The following LINGO2 variants were observed in gnomAD, a reference collection of about 807,000 sequenced individuals.
LINGO2 encodes the protein leucine-rich repeat and immunoglobulin-like domain-containing nogo receptor-interacting protein 2.
In LINGO2, 14 loss-of-function variants were observed where a neutral mutation model predicts 30.6. The ratio of observed to expected loss-of-function variants is 0.46; its 90% CI spans 0.30 to 0.72. LINGO2 has a LOEUF of 0.72. Among genes scored for constraint, LINGO2 ranks in the 30% least tolerant of loss-of-function variants. The pLI is 0.07. For synonymous variants in LINGO2, 317 were observed against 288.5 expected (o/e 1.10, Z -1.00); for missense variants, 729 against 751.7 (o/e 0.97, Z 0.35).
At chr9:28,619,175 T>A (rs939470402) in intron 1 of LINGO2, among the ~76,000 whole-genome samples, 12 of 152,178 alleles carry the variant, frequency 7.9e-5, no homozygotes, top group Non-Finnish European at 1.8e-4. Flanking sequence ...AATTATTGAA[T>A]GAATGATGTT....
At chr9:28,508,366 C>T (rs536273029) in intron 1 of LINGO2, among the ~76,000 whole-genome samples, 1 of 152,110 alleles carries the variant, frequency 6.6e-6, no homozygotes, top group East Asian at 1.9e-4. Flanking sequence ...ACTCAGATGA[C>T]TTATAACAGT....
chr9:28,050,729 C>T lies in LINGO2; in HGVS notation c.-86-38324G>A, dbSNP rs191239593. ...CAGGCATTCCACTGTAAGTGCTAAA[C>T]ACCTAAAGAGTTGGGGTAGCATGCC... On this transcript the variant is annotated intron_variant, in intron 4 of 5. Transcript: ENST00000379992. Among the ~76,000 whole-genome samples the T allele has an allele frequency of 2.5e-3, 379 of 151,040 alleles. 14 individuals are homozygous for T. The highest frequency in any genetic ancestry group is 8.9e-3 in the African/African-American group (365 of 40,982).
chr9:27,997,138 A>G (rs1821705858), intron 5 of LINGO2, among the ~76,000 whole-genome samples: 1 of 152,182 alleles, frequency 6.6e-6, no homozygotes. Flanking sequence ...TGCTGGCTTT[A>G]TACTGAATTT....
chr9:28,482,611 A>G (rs1184842251), intron 1 of LINGO2, among the ~76,000 whole-genome samples: 1 of 152,120 alleles, frequency 6.6e-6, no homozygotes, highest in Non-Finnish European at 1.5e-5. Flanking sequence ...TTTGCTGTGC[A>G]GAAGCTCTTT....
the LINGO2 span, among the ~76,000 whole-genome samples, chr9:29,129,469 A>G: frequency 6.6e-6 from 1 of 152,100 alleles, no homozygotes; most frequent in South Asian, 2.1e-4. Flanking sequence ...GATATGGGGA[A>G]ATATGTTTCC....
intron 4 of LINGO2, among the ~76,000 whole-genome samples, chr9:28,048,730 GATTT>G (rs1413672275): frequency 6.6e-6 from 1 of 150,564 alleles, no homozygotes; most frequent in African/African-American, 2.5e-5. Context: ...TAAAGGAAAA[GATTT>G]AATAAATTCA....
At chr9:28,990,692 G>A in the LINGO2 span, among the ~76,000 whole-genome samples, 5 of 152,090 alleles carry the variant, frequency 3.3e-5, no homozygotes, top group African/African-American at 9.7e-5. Context: ...CAGCATTCGC[G>A]GTTCACGAAA....
chr9:28,847,928 T>C, the LINGO2 span, among the ~76,000 whole-genome samples: 2 of 107,136 alleles, frequency 1.9e-5, 1 homozygote, highest in African/African-American at 6.9e-5. Context: ...TGTGTGTATA[T>C]ATACAAATAT....
chr9:28,404,608 A>G (rs1822416637), intron 2 of LINGO2, among the ~76,000 whole-genome samples: 1 of 152,192 alleles, frequency 6.6e-6, no homozygotes, highest in African/African-American at 2.4e-5. Flanking sequence ...TTGGCTAGTG[A>G]GAGGCTAAAT....
intron 3 of LINGO2, among the ~76,000 whole-genome samples, chr9:28,370,723 C>T (rs528968262): frequency 6.6e-6 from 1 of 152,144 alleles, no homozygotes; most frequent in African/African-American, 2.4e-5. Flanking sequence ...AAATGAAAGA[C>T]CTTCCTATCC....
chr9:29,173,056 T>C, the LINGO2 span, among the ~76,000 whole-genome samples: 16 of 152,068 alleles, frequency 1.1e-4, no homozygotes, highest in Non-Finnish European at 1.6e-4. Flanking sequence ...CTGAAGATGT[T>C]ACCCCATGTG....
intron 4 of LINGO2, among the ~76,000 whole-genome samples, chr9:28,052,417 T>G (rs549593672): frequency 2.2e-4 from 34 of 152,140 alleles, no homozygotes; most frequent in Middle Eastern, 6.8e-3. Flanking sequence ...TGTGGGGAAT[T>G]TGGGGGGTTC....
the LINGO2 span, among the ~76,000 whole-genome samples, chr9:28,876,316 T>C: frequency 4.6e-5 from 7 of 152,140 alleles, no homozygotes; most frequent in African/African-American, 1.4e-4. Flanking sequence ...TAGTTACATA[T>C]GTATACATGT....
the LINGO2 span, among the ~76,000 whole-genome samples, chr9:28,982,617 T>C: frequency 6.6e-6 from 1 of 152,034 alleles, no homozygotes; most frequent in Non-Finnish European, 1.5e-5. Context: ...ATTTGGTAGC[T>C]ATCCCTTCAG....
intron 1 of LINGO2, among the ~76,000 whole-genome samples, chr9:28,572,207 G>A (rs1290475095): frequency 6.6e-6 from 1 of 151,788 alleles, no homozygotes; most frequent in Non-Finnish European, 1.5e-5. Context: ...ATTCCACAAG[G>A]CAACTATCTA....
At chr9:27,980,394 G>A (rs532446668) in intron 5 of LINGO2, among the ~76,000 whole-genome samples, 1 of 152,000 alleles carries the variant, frequency 6.6e-6, no homozygotes, top group African/African-American at 2.4e-5. Context: ...ACATGGTAAG[G>A]CACAGCAATT....
the LINGO2 span, among the ~76,000 whole-genome samples, chr9:29,153,782 G>A: frequency 6.6e-6 from 1 of 152,016 alleles, no homozygotes; most frequent in Non-Finnish European, 1.5e-5. Flanking sequence ...CCACATATTT[G>A]TTTTTTTATT....
At chr9:28,797,415 C>T in the LINGO2 span, among the ~76,000 whole-genome samples, 6 of 131,362 alleles carry the variant, frequency 4.6e-5, no homozygotes, top group Non-Finnish European at 6.4e-5. Context: ...AGAAATCACT[C>T]GGATGTCTTA....
the LINGO2 span, among the ~76,000 whole-genome samples, chr9:28,926,367 C>T: frequency 6.6e-6 from 1 of 152,046 alleles, no homozygotes; most frequent in Non-Finnish European, 1.5e-5. Flanking sequence ...ATCAGAATAA[C>T]TACAGTGAAG....
Sources: allele counts gnomAD v4.1 joint callset (sites outside exome capture counted in the v4.1 genomes callset), GRCh38; gene constraint gnomAD v4.1.1; transcripts MANE v1.5; gene names NCBI Gene and HGNC (gene_info 2026-07-23, HGNC 2026-07-21).